The following RHOJ variants were observed in gnomAD, a reference collection of about 807,000 sequenced individuals.
RHOJ encodes the protein rho-related GTP-binding protein RhoJ.
A neutral mutation model predicts 23.4 loss-of-function variants in RHOJ; 11 were observed. That is an observed-to-expected ratio of 0.47 (90% CI 0.30 to 0.78). The LOEUF is 0.78. RHOJ is among the 30% of genes least tolerant of loss of function. The pLI is 0.08. For missense variants in RHOJ, 254 were observed against 273.4 expected (o/e 0.93, Z 0.50); for synonymous variants, 102 against 102.7 (o/e 0.99, Z 0.04).
intron 4 of RHOJ, among the ~76,000 whole-genome samples, chr14:63,288,542 T>A (rs1273895045): frequency 6.6e-6 from 1 of 152,246 alleles, no homozygotes; most frequent in African/African-American, 2.4e-5. Context: ...GAATCAAGCA[T>A]TGAACACAGT....
intron 1 of RHOJ, among the ~76,000 whole-genome samples, chr14:63,232,921 C>T (rs987110977): frequency 2.6e-5 from 4 of 152,006 alleles, no homozygotes; most frequent in African/African-American, 9.7e-5. Context: ...GTATCAAACT[C>T]CTGGACTCAA....
chr14:63,252,166 G>A (rs886081711), intron 1 of RHOJ, among the ~76,000 whole-genome samples: 1 of 152,142 alleles, frequency 6.6e-6, no homozygotes, highest in Non-Finnish European at 1.5e-5. Flanking sequence ...ATTCCTACAG[G>A]CTCCAGGGGA....
At chr14:63,267,466 C>G (rs1362003081) in intron 1 of RHOJ, among the ~76,000 whole-genome samples, 1 of 152,226 alleles carries the variant, frequency 6.6e-6, no homozygotes, top group African/African-American at 2.4e-5. Context: ...GTCTCTGGAA[C>G]AGCTGCCCCT....
chr14:63,233,563 G>A (rs1378368907), intron 1 of RHOJ, among the ~76,000 whole-genome samples: 1 of 152,174 alleles, frequency 6.6e-6, no homozygotes, highest in African/African-American at 2.4e-5. Context: ...AATAACAGGA[G>A]AGAAAATTTT....
At chr14:63,270,684 A>G in intron 2 of RHOJ, among the ~76,000 whole-genome samples, 1 of 152,212 alleles carries the variant, frequency 6.6e-6, no homozygotes, top group South Asian at 2.1e-4. Flanking sequence ...TCAGGAACTC[A>G]TAGACTGAAA....
chr14:63,225,112 C>T (rs1228156819), intron 1 of RHOJ, among the ~76,000 whole-genome samples: 1 of 152,088 alleles, frequency 6.6e-6, no homozygotes, highest in African/African-American at 2.4e-5. Context: ...CCACTACACC[C>T]GTCTAATTTT....
intron 2 of RHOJ, among the ~76,000 whole-genome samples, chr14:63,274,383 G>A (rs1881649436): frequency 6.6e-6 from 1 of 152,322 alleles, no homozygotes; most frequent in Non-Finnish European, 1.5e-5. Context: ...CAGCTGCTTA[G>A]TAAAAGCAAC....
At chr14:63,269,523 TG>T (rs1212336969) in intron 2 of RHOJ, among the ~76,000 whole-genome samples, 2 of 152,080 alleles carry the variant, frequency 1.3e-5, no homozygotes. Context: ...GTTCCACACA[TG>T]TTTTTTCAGG....
Position 63,292,855 on chromosome 14 carries a change from G to A in RHOJ, c.*1831G>A, listed in dbSNP as rs1259702192. 1.3e-5 allele frequency: 2 copies of A among 151,752 alleles called. No individual in the cohort carries two copies. Among genetic ancestry groups the A allele is most frequent in the South Asian group, 2.1e-4 (1 of 4,814 alleles). The allele number at this position is 151,752 out of a possible 1,614,324, so 9.4% of individuals were successfully genotyped here. ...AGTCCCAGCTACTCAGGAGGCTGAG[G>A]TGGAAGGATCACTTGAGCCCAGAAG... On this transcript the variant is annotated 3_prime_UTR_variant, in exon 5 of 5. Transcript: ENST00000316754.
chr14:63,253,292 A>C (rs924456892), intron 1 of RHOJ, among the ~76,000 whole-genome samples: 4 of 152,156 alleles, frequency 2.6e-5, no homozygotes, highest in Non-Finnish European at 5.9e-5. Flanking sequence ...TTTTAGAGGC[A>C]GGGTCTTACT....
intron 1 of RHOJ, among the ~76,000 whole-genome samples, chr14:63,217,896 T>C (rs1043700510): frequency 3.9e-5 from 6 of 152,218 alleles, no homozygotes; most frequent in African/African-American, 9.7e-5. Flanking sequence ...GGAATAGATA[T>C]CTTGTCGACA....
intron 1 of RHOJ, among the ~76,000 whole-genome samples, chr14:63,240,777 G>A (rs977432134): frequency 6.6e-6 from 1 of 152,164 alleles, no homozygotes; most frequent in African/African-American, 2.4e-5. Flanking sequence ...ATCAAGTTAT[G>A]TCAGGATTTT....
At chr14:63,274,504 G>GAAAAAAA (rs530945512) in intron 2 of RHOJ, among the ~76,000 whole-genome samples, 28 of 152,150 alleles carry the variant, frequency 1.8e-4, no homozygotes, top group Non-Finnish European at 3.1e-4. Context: ...ACTCAGTTCA[G>GAAAAAAA]AAAAAGTTAA....
rs1412279807 is a variant in RHOJ at position 63,204,962 on chromosome 14, C to G, written c.93C>G (p.Ala31=). The G allele has an allele frequency of 1.2e-5, 19 of 1,614,144 alleles. No individual in the cohort carries two copies. The highest frequency in any genetic ancestry group is 1.6e-4 in the Middle Eastern group (1 of 6,062). ...AGTGTGTGGTGGTGGGGGACGGTGC[C>G]GTGGGGAAAACCTGCCTGCTGATGA... ...MLKCVVVGDG[A]VGKTCLLMSY... is the part of the protein sequence containing the mutation. The change falls in exon 1 of 5, where the codon GCC becomes GCG. Residue 31 remains alanine (A), a synonymous_variant. Coordinates refer to ENST00000316754, the MANE Select transcript of RHOJ (RefSeq NM_020663.5).
At position 63,292,831 on chromosome 14, in the gene RHOJ, G is replaced by T. The variant is rs1471020921; in HGVS notation, c.*1807G>T. Reference sequence around the variant, plus strand: ...TCAGTTGTAGTGACACATACCTGTAGTCCCAGCTACTCAGGAGGCTGAGGT... The same window carrying T: ...TCAGTTGTAGTGACACATACCTGTATTCCCAGCTACTCAGGAGGCTGAGGT... On this transcript the variant is annotated 3_prime_UTR_variant, in exon 5 of 5. Coordinates refer to ENST00000316754, the MANE Select transcript of RHOJ (RefSeq NM_020663.5). The T allele has an allele frequency of 6.6e-6, 1 of 151,720 alleles. No homozygotes were observed. The highest frequency in any genetic ancestry group is 1.5e-5 in the Non-Finnish European group (1 of 68,022). 9.4% of individuals were successfully genotyped at this position (151,720 alleles called of 1,614,324 possible). A position where few individuals can be genotyped will look rare whatever the true frequency, so the allele number is the denominator to read the frequency against.
chr14:63,220,115 TAATC>T (rs1894456664), intron 1 of RHOJ, among the ~76,000 whole-genome samples: 1 of 152,230 alleles, frequency 6.6e-6, no homozygotes, highest in Non-Finnish European at 1.5e-5. Flanking sequence ...TTCGGTGAAT[TAATC>T]AGAGATTCTG....
intron 1 of RHOJ, among the ~76,000 whole-genome samples, chr14:63,258,925 G>A (rs536478817): frequency 6.6e-6 from 1 of 152,156 alleles, no homozygotes; most frequent in East Asian, 1.9e-4. Flanking sequence ...ATTTATATTT[G>A]AGTTGCATTT....
At chr14:63,247,393 C>T (rs899594240) in intron 1 of RHOJ, among the ~76,000 whole-genome samples, 1 of 152,122 alleles carries the variant, frequency 6.6e-6, no homozygotes, top group Non-Finnish European at 1.5e-5. Flanking sequence ...ACCCTCTTTT[C>T]ATCATTCTTC....
At chr14:63,237,376 T>C (rs1894808582) in intron 1 of RHOJ, among the ~76,000 whole-genome samples, 1 of 152,168 alleles carries the variant, frequency 6.6e-6, no homozygotes, top group Non-Finnish European at 1.5e-5. Context: ...AAAGAATAAT[T>C]TTCTTTAGTT....
Sources: gnomAD v4.1 joint callset for allele counts (sites outside exome capture counted in the v4.1 genomes callset) on GRCh38, gnomAD v4.1.1 for gene constraint, MANE v1.5 for transcripts, NCBI Gene and HGNC (gene_info 2026-07-23, HGNC 2026-07-21) for gene names.